The following PCDHGB7 variants were observed in gnomAD, a reference collection of about 807,000 sequenced individuals.
The protein encoded by PCDHGB7 is protocadherin gamma subfamily B, 7.
In PCDHGB7, 37 loss-of-function variants were observed where a neutral mutation model predicts 61.4. The ratio of observed to expected loss-of-function variants is 0.60; its 90% CI spans 0.46 to 0.79. The LOEUF (loss-of-function observed/expected upper bound fraction) is 0.79, where lower values mean the gene tolerates loss of function less well. Ranked by LOEUF, PCDHGB7 falls within the 30% of genes least tolerant of loss-of-function variation. The pLI is 0.00. For missense variants in PCDHGB7, 1,166 were observed against 1,202.5 expected (o/e 0.97, Z 0.45); for synonymous variants, 464 against 503.5 (o/e 0.92, Z 1.05).
chr5:141,475,486 T>G (rs576743657), intron 1 of PCDHGB7, among the ~76,000 whole-genome samples: 1 of 152,252 alleles, frequency 6.6e-6, no homozygotes, highest in Non-Finnish European at 1.5e-5. Flanking sequence ...TGGTAAGAGA[T>G]AAAACTGAAA....
chr5:141,476,747 C>A lies in PCDHGB7; in HGVS notation c.2416-18060C>A. 1 of 1,614,066 alleles carries A rather than the reference C, an allele frequency of 6.2e-7. No homozygotes were observed. The highest frequency in any genetic ancestry group is 1.3e-5 in the African/African-American group (1 of 75,074). On this transcript the variant is annotated intron_variant, in intron 1 of 3. Transcript: ENST00000398594. The surrounding 1 kb of genome is among the most constrained non-coding windows in gnomAD (Gnocchi z 7.6). ...GGACCGAGAACGGGAGCCTAGTCTCCAGTTAGTGCTGACGGCGTTGGACGG... is the reference window on the plus strand; with the variant it reads ...GGACCGAGAACGGGAGCCTAGTCTCAAGTTAGTGCTGACGGCGTTGGACGG...
intron 2 of PCDHGB7, among the ~76,000 whole-genome samples, chr5:141,502,725 G>A (rs1020846462): frequency 2.0e-5 from 3 of 152,150 alleles, no homozygotes; most frequent in Non-Finnish European, 4.4e-5. Context: ...ATTACAAAGC[G>A]GTGATGTTCT....
At chr5:141,422,374 G>A (rs1268014814) in intron 1 of PCDHGB7, 1 of 1,570,452 alleles carries the variant, frequency 6.4e-7, no homozygotes, top group Non-Finnish European at 8.6e-7. Flanking sequence ...AAATGGTCAA[G>A]TCTCCTGTTT....
At chr5:141,498,971 G>A (rs866066098) in intron 2 of PCDHGB7, among the ~76,000 whole-genome samples, 16 of 111,052 alleles carry the variant, frequency 1.4e-4, no homozygotes, top group African/African-American at 2.5e-4. Context: ...GAGGGAGGGA[G>A]GGAAGGAAGG....
rs756216038 is a variant in PCDHGB7, at chr5:141,477,967, C to G, written c.2416-16840C>G. 1.9e-6 allele frequency: 3 copies of G among 1,614,032 alleles called. No homozygotes were observed. Among genetic ancestry groups the G allele is most frequent in the Admixed American group, 3.3e-5 (2 of 59,996 alleles). ...GTCTCTTGGGATCCCCTAACCAGAG[C>G]CTTTTTGCCATAGGGCTGCACACTG... On this transcript the variant is annotated intron_variant, in intron 1 of 3. Transcript: ENST00000398594. The surrounding 1 kb of genome is among the most constrained non-coding windows in gnomAD (Gnocchi z 4.9).
chr5:141,447,181 G>T (rs442221), intron 1 of PCDHGB7, among the ~76,000 whole-genome samples: 1 of 152,338 alleles, frequency 6.6e-6, no homozygotes, highest in Admixed American at 6.5e-5. Context: ...CTCTTGTCGC[G>T]CAGGCTGGAG....
intron 1 of PCDHGB7, among the ~76,000 whole-genome samples, chr5:141,492,949 A>G (rs1470301496): frequency 6.6e-6 from 1 of 152,226 alleles, no homozygotes; most frequent in African/African-American, 2.4e-5. Flanking sequence ...GGAGGTGACC[A>G]AACTATCTGA....
chr5:141,456,975 A>T (rs1240583336), intron 1 of PCDHGB7, among the ~76,000 whole-genome samples: 1 of 152,178 alleles, frequency 6.6e-6, no homozygotes, highest in East Asian at 1.9e-4. Flanking sequence ...AACAAAACAA[A>T]CAAACAAACA....
At chr5:141,433,211 T>TC in intron 1 of PCDHGB7, 1 of 1,568,160 alleles carries the variant, frequency 6.4e-7, no homozygotes, top group Non-Finnish European at 8.6e-7. Context: ...CTTCTTTCTT[T>TC]TTTTTTTTTA....
At position 141,486,837 on chromosome 5, in the gene PCDHGB7, T is replaced by G; in HGVS notation, c.2416-7970T>G. The G allele has an allele frequency of 6.2e-7, 1 of 1,614,256 alleles. No individual in the cohort carries two copies. The highest frequency in any genetic ancestry group is 8.5e-7 in the Non-Finnish European group (1 of 1,180,044). ...AGCACTGTAACAGTTCGTCTATTTG[T>G]GCTGGACCTCAATGACAATGCTCCA... On this transcript the variant is annotated intron_variant, in intron 1 of 3. Transcript: ENST00000398594. The surrounding 1 kb of genome is among the most constrained non-coding windows in gnomAD (Gnocchi z 5.0).
Position 141,432,267 on chromosome 5 carries a change from C to T in PCDHGB7, c.2415+11993C>T, listed in dbSNP as rs746089276. 4.3e-6 allele frequency: 7 copies of T among 1,614,244 alleles called. No homozygotes were observed. On this transcript the variant is annotated intron_variant, in intron 1 of 3. Transcript: ENST00000398594. The surrounding 1 kb of genome is among the most constrained non-coding windows in gnomAD (Gnocchi z 6.0). ...ACCATCCAAGGGGCAAGCCTATCGT[C>T]CTACGTGTCCATCAACTCCGACACT...
chr5:141,471,427 AGT>A (rs1475862025), intron 1 of PCDHGB7: 1 of 152,188 alleles, frequency 6.6e-6, no homozygotes, highest in Non-Finnish European at 1.5e-5. Flanking sequence ...TAGCAAGGAA[AGT>A]GTATAATCTC....
At position 141,491,919 on chromosome 5, in the gene PCDHGB7, C is replaced by A. The variant is rs1177043977; in HGVS notation, c.2416-2888C>A. 1.5e-6 allele frequency: 2 copies of A among 1,361,778 alleles called. No homozygotes were observed. Among genetic ancestry groups the A allele is most frequent in the South Asian group, 1.6e-5 (1 of 64,218 alleles). 84.4% of individuals were successfully genotyped at this position (1,361,778 alleles called of 1,614,324 possible). A position where few individuals can be genotyped will look rare whatever the true frequency, so the allele number is the denominator to read the frequency against. On this transcript the variant is annotated intron_variant, in intron 1 of 3. Coordinates refer to ENST00000398594, the MANE Select transcript of PCDHGB7 (RefSeq NM_018927.4). The surrounding 1 kb of genome is among the most constrained non-coding windows in gnomAD (Gnocchi z 6.9). ...CACCGGGGGTGGTGGCGACTGTGGGCGAGGGGAGGTGGGACCGACCCCCAC... is the reference window on the plus strand; with the variant it reads ...CACCGGGGGTGGTGGCGACTGTGGGAGAGGGGAGGTGGGACCGACCCCCAC...
intron 1 of PCDHGB7, chr5:141,422,396 A>G (rs767394630): frequency 6.3e-6 from 10 of 1,597,278 alleles, no homozygotes; most frequent in Non-Finnish European, 8.5e-6. Flanking sequence ...ATTCCTAACC[A>G]CCTGCCTTTT....
At chr5:141,464,556 G>A (rs1158827360) in intron 1 of PCDHGB7, among the ~76,000 whole-genome samples, 4 of 151,990 alleles carry the variant, frequency 2.6e-5, no homozygotes, top group Admixed American at 6.6e-5. Flanking sequence ...TCCCCATCTT[G>A]CATTCCTACA....
chr5:141,506,228 A>T (rs538354130), intron 3 of PCDHGB7, among the ~76,000 whole-genome samples: 1 of 152,266 alleles, frequency 6.6e-6, no homozygotes, highest in East Asian at 1.9e-4. Context: ...AGGCAGGAGG[A>T]TCATGAGGTC....
intron 1 of PCDHGB7, among the ~76,000 whole-genome samples, chr5:141,438,747 T>C (rs2098059577): frequency 6.7e-6 from 1 of 148,680 alleles, no homozygotes. Flanking sequence ...CTGCAACCTC[T>C]GCCTCCTGGG....
rs540507159 is a variant in PCDHGB7 at position 141,422,671 on chromosome 5, A to G, written c.2415+2397A>G. On this transcript the variant is annotated intron_variant, in intron 1 of 3. Coordinates refer to ENST00000398594, the MANE Select transcript of PCDHGB7 (RefSeq NM_018927.4). The stretch of plus-strand genomic sequence containing the variant: ...CTCAGTGACCGCCCTCGACCCGGAC[A>G]GCAAACAGAATGCCCTGGTCACTTA... 4 of 1,607,248 alleles carry G rather than the reference A, an allele frequency of 2.5e-6. No homozygotes were observed. The Admixed American group carries it at 5.0e-5, about 20-fold the overall frequency.
chr5:141,485,344 C>G lies in PCDHGB7; in HGVS notation c.2416-9463C>G. On this transcript the variant is annotated intron_variant, in intron 1 of 3. Coordinates refer to ENST00000398594, the MANE Select transcript of PCDHGB7 (RefSeq NM_018927.4). This position sits in a 1 kb window ranked among gnomAD's most constrained non-coding sequence, Gnocchi z 5.7. ...CTCAAGATTTCCTGCTGGATACGGA[C>G]AGTCTGTCAGCTCGCAGGCTGCAGG... 6.2e-7 allele frequency: 1 copy of G among 1,614,116 alleles called. No individual in the cohort carries two copies. The highest frequency in any genetic ancestry group is 8.5e-7 in the Non-Finnish European group (1 of 1,180,004).
Sources: gnomAD v4.1 joint callset for allele counts (sites outside exome capture counted in the v4.1 genomes callset) on GRCh38, gnomAD v4.1.1 for gene constraint, Gnocchi (gnomAD v3.1) non-coding constraint, MANE v1.5 for transcripts, NCBI Gene and HGNC (gene_info 2026-07-23, HGNC 2026-07-21) for gene names.